Variants in ZNF85 observed in about 807,000 individuals in gnomAD.
The protein encoded by ZNF85 is zinc finger protein 85.
Under a neutral mutation model 53.9 loss-of-function variants are expected in ZNF85, and 50 were observed. The observed-to-expected ratio is 0.93, with a 90% CI of 0.74 to 1.17. The LOEUF is 1.17. Ranked by LOEUF, ZNF85 falls within the 50% of genes most tolerant of loss-of-function variation. The probability of loss-of-function intolerance (pLI) is 0.00; values close to 1 mark genes in which losing one functional copy is unlikely to be tolerated. For missense variants in ZNF85, 747 were observed against 688.5 expected (o/e 1.08, Z -0.95); for synonymous variants, 225 against 226.1 (o/e 1.00, Z 0.04).
At chr19:20,942,982 C>T (rs963687034) in intron 3 of ZNF85, 1 of 522,566 alleles carries the variant, frequency 1.9e-6, no homozygotes, top group African/African-American at 2.0e-5. Flanking sequence ...CACTTTGTTG[C>T]CCAGTCTAGT....
At chr19:20,941,197 G>A (rs113879778) in intron 3 of ZNF85, among the ~76,000 whole-genome samples, 8,430 of 152,210 alleles carry the variant, frequency 0.055, 319 homozygotes, top group South Asian at 0.12. Flanking sequence ...TGATGGGTGT[G>A]AAGTGATTTT....
At chr19:20,944,683 G>T (rs1186872904) in intron 3 of ZNF85, among the ~76,000 whole-genome samples, 1 of 150,964 alleles carries the variant, frequency 6.6e-6, no homozygotes, top group East Asian at 1.9e-4. Context: ...ACTTGATGGT[G>T]TCCAATAAGT....
Position 20,950,192 on chromosome 19 carries a change from C to T in ZNF85, c.1678C>T (p.His560Tyr). 1 of 1,612,668 alleles carries T rather than the reference C, an allele frequency of 6.2e-7. No homozygotes were observed. Among genetic ancestry groups the T allele is most frequent in the Non-Finnish European group, 8.5e-7 (1 of 1,179,490 alleles). The change falls in exon 4 of 4, where the codon CAT becomes TAT. Residue 560 changes from histidine (H) to tyrosine (Y), a missense_variant. Coordinates refer to ENST00000328178, the MANE Select transcript of ZNF85 (RefSeq NM_003429.5). ...AAACCTTACTAAACATAAGAGAATTCATACTGGAGAAAAACCTTACAAATG... is the reference window on the plus strand; with the variant it reads ...AAACCTTACTAAACATAAGAGAATTTATACTGGAGAAAAACCTTACAAATG... ...SSNLTKHKRI[H>Y]TGEKPYKCEE...
At position 20,949,602 on chromosome 19, in the gene ZNF85, T is replaced by C. The variant is rs756977552; in HGVS notation, c.1088T>C (p.Ile363Thr). ...GCACACCTTACCACACATGAGGTAA[T>C]TCATACTGGAGAGAAACCCTACAAA... The part of the protein sequence containing the change: ...QSAHLTTHEV[I>T]HTGEKPYKCE... Residue 363 changes from isoleucine to threonine, a missense_variant, in exon 4 of 4, where the codon ATT becomes ACT. Transcript: ENST00000328178. The C allele has an allele frequency of 3.7e-6, 6 of 1,602,136 alleles. No individual in the cohort carries two copies. Among genetic ancestry groups the C allele is most frequent in the Middle Eastern group, 1.7e-4 (1 of 5,988 alleles).
intron 1 of ZNF85, among the ~76,000 whole-genome samples, chr19:20,932,197 AGAAAAGGAG>A (rs903086480): frequency 2.6e-5 from 4 of 152,316 alleles, no homozygotes; most frequent in African/African-American, 9.6e-5. Flanking sequence ...AAGGATTCCC[AGAAAAGGAG>A]GAAAAAGAGG....
chr19:20,943,997 A>C (rs1973363920), intron 3 of ZNF85: 1 of 314,974 alleles, frequency 3.2e-6, no homozygotes, highest in African/African-American at 2.2e-5. Context: ...ATTTGACTCT[A>C]TATTTTCCAG....
chr19:20,940,227 CTATTGAAGTG>C (rs1973263684), intron 3 of ZNF85, among the ~76,000 whole-genome samples: 1 of 151,432 alleles, frequency 6.6e-6, no homozygotes, highest in Non-Finnish European at 1.5e-5. Flanking sequence ...CATCTTAAAT[CTATTGAAGTG>C]TACATTTTAG....
At chr19:20,933,858 A>C (rs1305486249) in intron 1 of ZNF85, among the ~76,000 whole-genome samples, 166 bp from the exon 2 acceptor site, 1 of 152,190 alleles carries the variant, frequency 6.6e-6, no homozygotes, top group Non-Finnish European at 1.5e-5. Flanking sequence ...ATTTTATTTT[A>C]TAATTTTAGT....
chr19:20,949,412 A>G lies in ZNF85; in HGVS notation c.898A>G (p.Thr300Ala), dbSNP rs1568557347. ...ECGKAFNRSS[T>A]LTTHRKIHTG... ...TGGTAAAGCTTTTAACCGATCTTCA[A>G]CCCTTACTACCCATAGAAAAATTCA... Residue 300 changes from threonine to alanine, a missense_variant, in exon 4 of 4, where the codon ACC becomes GCC. Physicochemically the swap from Thr to Ala is moderately conservative, Grantham distance 58. Coordinates refer to ENST00000328178, the MANE Select transcript of ZNF85 (RefSeq NM_003429.5). The G allele has an allele frequency of 1.9e-6, 3 of 1,609,144 alleles. No homozygotes were observed. Among genetic ancestry groups the G allele is most frequent in the Non-Finnish European group, 2.5e-6 (3 of 1,176,898 alleles).
chr19:20,930,669 A>G (rs1431845667), intron 1 of ZNF85, among the ~76,000 whole-genome samples: 2 of 152,230 alleles, frequency 1.3e-5, no homozygotes, highest in East Asian at 3.8e-4. Context: ...ACAGGTGTAC[A>G]TGTTGTTGCC....
At chr19:20,935,998 A>C (rs73005134) in intron 3 of ZNF85, among the ~76,000 whole-genome samples, 15,666 of 152,204 alleles carry the variant, frequency 0.1, 889 homozygotes, top group Non-Finnish European at 0.13. Flanking sequence ...ATGATATCTT[A>C]TATCTTCCAG....
At chr19:20,943,835 G>C (rs1343483131) in intron 3 of ZNF85, 1 of 152,000 alleles carries the variant, frequency 6.6e-6, no homozygotes, top group Non-Finnish European at 1.5e-5. Context: ...CTGGTAAATT[G>C]ATCCATTTTA....
chr19:20,923,276 G>C lies in ZNF85; in HGVS notation c.-125G>C, dbSNP rs534782929. 18 of 1,484,394 alleles carry C rather than the reference G, an allele frequency of 1.2e-5. No individual in the cohort carries two copies. The African/African-American group carries it at 2.5e-4, about 21-fold the overall frequency. 92.0% of individuals were successfully genotyped at this position (1,484,394 alleles called of 1,614,324 possible). ...GCCTTTGTCTCTCGCTGCAGCCTGAGCTCTAGGTCTTGTTTTCCCTGCTTT... is the reference window on the plus strand; with the variant it reads ...GCCTTTGTCTCTCGCTGCAGCCTGACCTCTAGGTCTTGTTTTCCCTGCTTT... On this transcript the variant is annotated 5_prime_UTR_variant, in exon 1 of 4. Transcript: ENST00000328178.
chr19:20,947,942 A>G (rs1367122381), intron 3 of ZNF85, among the ~76,000 whole-genome samples: 1 of 151,924 alleles, frequency 6.6e-6, no homozygotes, highest in African/African-American at 2.4e-5. Flanking sequence ...AGCTTTCTGA[A>G]ATTTTTATGT....
At chr19:20,942,891 T>G in intron 3 of ZNF85, 2 of 686,892 alleles carry the variant, frequency 2.9e-6, no homozygotes, top group Middle Eastern at 3.6e-4. Context: ...TTGTTCCACC[T>G]CAGCCTCCCG....
At chr19:20,939,504 C>T (rs1284252084) in intron 3 of ZNF85, among the ~76,000 whole-genome samples, 2 of 152,170 alleles carry the variant, frequency 1.3e-5, no homozygotes, top group Non-Finnish European at 2.9e-5. Context: ...CCGCCCACCT[C>T]AGCCTCCCAA....
At chr19:20,938,866 G>A (rs1396312084) in intron 3 of ZNF85, among the ~76,000 whole-genome samples, 10 of 141,514 alleles carry the variant, frequency 7.1e-5, no homozygotes, top group South Asian at 2.4e-4. Context: ...GTGTGTGTGT[G>A]TGTGTGTGTG....
chr19:20,943,919 G>A (rs2144659415), intron 3 of ZNF85: 2 of 162,228 alleles, frequency 1.2e-5, no homozygotes, highest in South Asian at 4.0e-4. Context: ...ATAATTATGA[G>A]TGTCTTACTC....
intron 3 of ZNF85, among the ~76,000 whole-genome samples, chr19:20,947,973 C>T (rs1391184117): frequency 6.6e-6 from 1 of 151,608 alleles, no homozygotes; most frequent in Non-Finnish European, 1.5e-5. Flanking sequence ...GCTATGTTGC[C>T]CCAATATTTT....
Sources: gnomAD v4.1 joint callset for allele counts (sites outside exome capture counted in the v4.1 genomes callset) on GRCh38, gnomAD v4.1.1 for gene constraint, MANE v1.5 for transcripts, NCBI Gene and HGNC (gene_info 2026-07-23, HGNC 2026-07-21) for gene names.